TSPAN9: variants seen among roughly 807,000 people sequenced by gnomAD.
TSPAN9 encodes tetraspanin-9.
In TSPAN9, 16 loss-of-function variants were observed where a neutral mutation model predicts 31.0. The ratio of observed to expected loss-of-function variants is 0.52; its 90% CI spans 0.35 to 0.78. The LOEUF (loss-of-function observed/expected upper bound fraction) is 0.78, where lower values mean the gene tolerates loss of function less well. Ranked by LOEUF, TSPAN9 falls within the 30% of genes least tolerant of loss-of-function variation. The pLI is 0.01. For synonymous variants in TSPAN9, 145 were observed against 121.6 expected, an observed-to-expected ratio of 1.19 and a Z score of -1.27; for missense variants, 272 against 312.5, an observed-to-expected ratio of 0.87 and a Z score of 0.98.
At position 3,139,181 on chromosome 12, in the gene TSPAN9, G is replaced by A. The variant is rs146841994; in HGVS notation, c.-18+55462G>A. On this transcript the variant is annotated intron_variant, in intron 2 of 8. Transcript: ENST00000011898. The stretch of plus-strand genomic sequence containing the variant: ...GGCTGTTTTGCTTTTGGTGGGGGGC[G>A]GTGTCCAGGGAAGGCTCAACTTGTT... Among the ~76,000 whole-genome samples, 6 of 152,258 alleles carry A rather than the reference G, an allele frequency of 3.9e-5. No homozygotes were observed. The East Asian group carries it at 7.8e-4, about 20-fold the overall frequency.
chr12:3,090,591 T>C (rs2098303787), intron 2 of TSPAN9, among the ~76,000 whole-genome samples: 1 of 152,246 alleles, frequency 6.6e-6, no homozygotes, highest in South Asian at 2.1e-4. Context: ...ACGCATTGTC[T>C]GTTGATTGCT....
intron 3 of TSPAN9, among the ~76,000 whole-genome samples, chr12:3,256,275 G>A (rs1193954333): frequency 6.6e-6 from 1 of 152,244 alleles, no homozygotes; most frequent in African/African-American, 2.4e-5. Context: ...GGCTTCGTAA[G>A]GAGCTGCCCT....
chr12:3,154,840 A>G (rs1022285814), intron 2 of TSPAN9, among the ~76,000 whole-genome samples: 1 of 152,248 alleles, frequency 6.6e-6, no homozygotes, highest in Admixed American at 6.5e-5. Flanking sequence ...GACTGCCTGC[A>G]TGCCCAGTCA....
intron 3 of TSPAN9, among the ~76,000 whole-genome samples, chr12:3,231,624 A>G (rs1175329944): frequency 2.0e-5 from 3 of 152,194 alleles, no homozygotes; most frequent in Non-Finnish European, 4.4e-5. Flanking sequence ...GGTGGGTGGA[A>G]ATTCACATGG....
chr12:3,234,631 G>GGGCACATTCTA (rs1325332700), intron 3 of TSPAN9, among the ~76,000 whole-genome samples: 1 of 152,142 alleles, frequency 6.6e-6, no homozygotes. Context: ...GTGCAGTGAG[G>GGGCACATTCTA]GGCACATTCT....
At chr12:3,277,109 A>G (rs1281104416) in intron 3 of TSPAN9, among the ~76,000 whole-genome samples, 1 of 152,184 alleles carries the variant, frequency 6.6e-6, no homozygotes, top group Non-Finnish European at 1.5e-5. Flanking sequence ...CACTTCACGT[A>G]GCTTATTCCA....
chr12:3,096,595 T>G (rs2098309141), intron 2 of TSPAN9, among the ~76,000 whole-genome samples: 1 of 150,922 alleles, frequency 6.6e-6, no homozygotes, highest in South Asian at 2.1e-4. Flanking sequence ...ATCTCATCCA[T>G]TTCCCCAGGA....
At chr12:3,169,260 G>C (rs111991627) in intron 2 of TSPAN9, among the ~76,000 whole-genome samples, 15 of 152,166 alleles carry the variant, frequency 9.9e-5, no homozygotes, top group Admixed American at 9.2e-4. Flanking sequence ...CCTCAGGGCT[G>C]GGGGAAGGTT....
intron 2 of TSPAN9, among the ~76,000 whole-genome samples, chr12:3,161,772 AATCTATCT>A (rs79768137): frequency 0.018 from 2,741 of 150,332 alleles, 39 homozygotes; most frequent in Middle Eastern, 0.034. Flanking sequence ...CTTGGGTTGA[AATCTATCT>A]ATCTATCTAT....
intron 3 of TSPAN9, among the ~76,000 whole-genome samples, chr12:3,253,421 G>A (rs1190513596): frequency 1.3e-5 from 2 of 152,146 alleles, no homozygotes; most frequent in Non-Finnish European, 2.9e-5. Context: ...ACCTCTCTGG[G>A]CCTCGTTTCT....
intron 3 of TSPAN9, among the ~76,000 whole-genome samples, chr12:3,271,565 A>T (rs1336156598): frequency 1.3e-5 from 2 of 150,416 alleles, no homozygotes; most frequent in Admixed American, 1.3e-4. Context: ...AAAAAGAAGA[A>T]TGGAGTGCAT....
chr12:3,120,662 G>A (rs1219246184), intron 2 of TSPAN9, among the ~76,000 whole-genome samples: 1 of 152,244 alleles, frequency 6.6e-6, no homozygotes, highest in Non-Finnish European at 1.5e-5. Flanking sequence ...AGGGCAGGAA[G>A]TTGAGCTTGG....
At chr12:3,088,709 T>C (rs1278126701) in intron 2 of TSPAN9, among the ~76,000 whole-genome samples, 1 of 152,118 alleles carries the variant, frequency 6.6e-6, no homozygotes, top group African/African-American at 2.4e-5. Flanking sequence ...TCAGAGGGGA[T>C]CAGGCTGGGC....
intron 2 of TSPAN9, among the ~76,000 whole-genome samples, chr12:3,105,514 G>T (rs535608666): frequency 2.8e-4 from 43 of 152,000 alleles, no homozygotes; most frequent in Middle Eastern, 3.4e-3. Context: ...GAACCCAGGA[G>T]CCTAGGCCTC....
At chr12:3,169,812 G>T (rs76284362) in intron 2 of TSPAN9, among the ~76,000 whole-genome samples, 1 of 152,198 alleles carries the variant, frequency 6.6e-6, no homozygotes, top group Admixed American at 6.5e-5. Flanking sequence ...GATCGTATCA[G>T]GTGTCAGGGT....
At position 3,269,817 on chromosome 12, in the gene TSPAN9, G is replaced by A. The variant is rs546153657; in HGVS notation, c.64-8604G>A. Among the ~76,000 whole-genome samples the A allele has an allele frequency of 3.9e-5, 6 of 152,344 alleles. No individual in the cohort carries two copies. The East Asian group carries it at 7.7e-4, about 20-fold the overall frequency. On this transcript the variant is annotated intron_variant, in intron 3 of 8. Transcript: ENST00000011898. ...CCCACCCGCACCCCCTCTCGTGGCT[G>A]CACTGTGCATCCTCTGTCTGGGAAG... is the stretch of plus-strand genomic sequence containing the variant.
chr12:3,105,147 G>C (rs1197095126), intron 2 of TSPAN9, among the ~76,000 whole-genome samples: 1 of 152,212 alleles, frequency 6.6e-6, no homozygotes, highest in Non-Finnish European at 1.5e-5. Context: ...AGGACCCTGT[G>C]TCTTTGTGTT....
chr12:3,096,854 G>A (rs1368636321), intron 2 of TSPAN9, among the ~76,000 whole-genome samples: 14 of 151,952 alleles, frequency 9.2e-5, no homozygotes, highest in Admixed American at 7.2e-4. Context: ...CACCACGCCC[G>A]GCTAATTTTG....
Position 3,192,712 on chromosome 12 carries a change from C to A in TSPAN9, c.-17-8465C>A, listed in dbSNP as rs540579403. ...GTGCATTTAGGGGGTCAACAGCATG[C>A]AGATGGCCCTGGAACGGAGGAGATG... On this transcript the variant is annotated intron_variant, in intron 2 of 8. Transcript: ENST00000011898. This position sits in a 1 kb window ranked among gnomAD's most constrained non-coding sequence, Gnocchi z 4.6. Among the ~76,000 whole-genome samples, 23 of 152,042 alleles carry A rather than the reference C, an allele frequency of 1.5e-4. 1 individual carries two copies. The highest frequency in any genetic ancestry group is 1.3e-4 in the Admixed American group (2 of 15,266).
Sources: allele counts gnomAD v4.1 joint callset (sites outside exome capture counted in the v4.1 genomes callset), GRCh38; gene constraint gnomAD v4.1.1; non-coding constraint Gnocchi (gnomAD v3.1); transcripts MANE v1.5; gene names NCBI Gene and HGNC (gene_info 2026-07-23, HGNC 2026-07-21).